SYNPR: variants seen among roughly 807,000 people sequenced by gnomAD.
SYNPR encodes the protein synaptoporin.
In SYNPR, 23 loss-of-function variants were observed where a neutral mutation model predicts 32.9. That is an observed-to-expected ratio of 0.70 (90% CI 0.50 to 0.99). The LOEUF is 0.99. Ranked by LOEUF, SYNPR falls within the 50% of genes least tolerant of loss-of-function variation. The probability of loss-of-function intolerance (pLI) is 0.00; values close to 1 mark genes in which losing one functional copy is unlikely to be tolerated. For missense variants in SYNPR, 318 were observed against 349.3 expected, an observed-to-expected ratio of 0.91 and a Z score of 0.71; for synonymous variants, 146 against 135.9, an observed-to-expected ratio of 1.07 and a Z score of -0.52.
intron 1 of SYNPR, among the ~76,000 whole-genome samples, chr3:63,247,944 G>A (rs972057441): frequency 6.6e-6 from 1 of 152,098 alleles, no homozygotes; most frequent in African/African-American, 2.4e-5. Flanking sequence ...GCCTCATATG[G>A]TGTCTTCCTT....
intron 4 of SYNPR, among the ~76,000 whole-genome samples, chr3:63,595,948 G>GTTATATATATATAATT (rs1559546741): frequency 9.6e-6 from 1 of 104,442 alleles, no homozygotes; most frequent in Non-Finnish European, 1.9e-5. Context: ...TATATATATA[G>GTTATATATATATAATT]TTTTATATAT....
At chr3:63,230,228 AC>A (rs1334872951) in intron 1 of SYNPR, among the ~76,000 whole-genome samples, 2 of 152,104 alleles carry the variant, frequency 1.3e-5, no homozygotes, top group African/African-American at 4.8e-5. Flanking sequence ...CTGAAATAAC[AC>A]TTTTGTCTCT....
intron 2 of SYNPR, among the ~76,000 whole-genome samples, chr3:63,432,880 C>A (rs1700018867): frequency 6.6e-6 from 1 of 152,180 alleles, no homozygotes; most frequent in African/African-American, 2.4e-5. Context: ...ACAAAGATTC[C>A]CTGTCAAGTT....
In SYNPR at chr3:63,350,288, A is replaced by G. The variant is rs1471325474; in HGVS notation, c.84+71546A>G. Among the ~76,000 whole-genome samples, 3 of 152,170 alleles carry G rather than the reference A, an allele frequency of 2.0e-5. No homozygotes were observed. In the East Asian group the frequency reaches 5.8e-4, roughly 29 times the overall value. Reference sequence around the variant, plus strand: ...CTATAGGGGAGACTATTCCCTATATATACAGCCTTTATAGAAAAGATGACT... The same window carrying G: ...CTATAGGGGAGACTATTCCCTATATGTACAGCCTTTATAGAAAAGATGACT... On this transcript the variant is annotated intron_variant, in intron 2 of 5. Transcript: ENST00000478300.
At chr3:63,450,952 TC>T (rs1700369868) in intron 2 of SYNPR, among the ~76,000 whole-genome samples, 2 of 152,180 alleles carry the variant, frequency 1.3e-5, no homozygotes, top group African/African-American at 4.8e-5. Flanking sequence ...AAGAAAACTA[TC>T]TTCTACCTGC....
At chr3:63,440,038 CAAAT>C (rs1700140814) in intron 2 of SYNPR, among the ~76,000 whole-genome samples, 7 of 152,082 alleles carry the variant, frequency 4.6e-5, no homozygotes, top group Admixed American at 3.3e-4. Context: ...AATAAATGAA[CAAAT>C]AAATAAGCAA....
intron 4 of SYNPR, among the ~76,000 whole-genome samples, chr3:63,584,422 G>A (rs1335364064): frequency 6.6e-6 from 1 of 152,054 alleles, no homozygotes; most frequent in Non-Finnish European, 1.5e-5. Flanking sequence ...AATAATAGAG[G>A]TATGGGACAC....
chr3:63,382,227 C>A (rs1242441950), intron 2 of SYNPR, among the ~76,000 whole-genome samples: 1 of 152,214 alleles, frequency 6.6e-6, no homozygotes, highest in Non-Finnish European at 1.5e-5. Context: ...GAAATCCAGG[C>A]TCCCAAGGTG....
intron 2 of SYNPR, among the ~76,000 whole-genome samples, chr3:63,362,525 C>T (rs2087675206): frequency 6.6e-6 from 1 of 152,012 alleles, no homozygotes; most frequent in Admixed American, 6.6e-5. Context: ...GTTGCCAAGC[C>T]CAACACTAAG....
At chr3:63,362,047 A>G (rs2087668927) in intron 2 of SYNPR, among the ~76,000 whole-genome samples, 1 of 152,190 alleles carries the variant, frequency 6.6e-6, no homozygotes, top group African/African-American at 2.4e-5. Flanking sequence ...GTTATGGCCA[A>G]TAAAATGTGA....
At chr3:63,273,818 G>GT (rs1164693682), upstream of SYNPR, among the ~76,000 whole-genome samples, 2 of 152,082 alleles carry the variant, frequency 1.3e-5, no homozygotes, top group African/African-American at 4.8e-5. Context: ...ATTCTTGCAT[G>GT]TTTTTTTGCA....
intron 2 of SYNPR, among the ~76,000 whole-genome samples, chr3:63,281,635 A>G (rs1444764115): frequency 1.2e-4 from 19 of 152,126 alleles, no homozygotes; most frequent in Admixed American, 1.2e-3. Context: ...CACTAATCCC[A>G]TTCACAAGGG....
intron 2 of SYNPR, among the ~76,000 whole-genome samples, chr3:63,288,528 C>T (rs994893444): frequency 6.6e-6 from 1 of 152,188 alleles, no homozygotes; most frequent in Non-Finnish European, 1.5e-5. Context: ...ACACCTTTGG[C>T]TCTTCAGCAC....
chr3:63,321,825 G>T (rs2087113860), intron 2 of SYNPR, among the ~76,000 whole-genome samples: 1 of 152,016 alleles, frequency 6.6e-6, no homozygotes, highest in African/African-American at 2.4e-5. Flanking sequence ...AACAAAATCA[G>T]TTCAGGGCCT....
At chr3:63,538,497 G>T (rs62250766) in intron 3 of SYNPR, among the ~76,000 whole-genome samples, 8 of 151,942 alleles carry the variant, frequency 5.3e-5, no homozygotes, top group African/African-American at 1.9e-4. Context: ...CACCTTTGCC[G>T]TGATCTCATA....
intron 2 of SYNPR, among the ~76,000 whole-genome samples, chr3:63,412,171 A>C (rs2088475261): frequency 6.6e-6 from 1 of 152,110 alleles, no homozygotes; most frequent in Admixed American, 6.6e-5. Context: ...GGACCACTGG[A>C]AGAGTATCAG....
rs920976533 is a variant in SYNPR at position 63,407,726 on chromosome 3, T to G, written c.85-73106T>G. 3.3e-5 allele frequency among the ~76,000 whole-genome samples: 5 copies of G among 152,168 alleles called. No homozygotes were observed. The East Asian group carries it at 7.7e-4, about 23-fold the overall frequency. The stretch of plus-strand genomic sequence containing the variant: ...GTGGATCCAGGAGTACAATTTTATC[T>G]TGTTGGAGAGCAAGACAAATGGTGG... On this transcript the variant is annotated intron_variant, in intron 2 of 5. Transcript: ENST00000478300.
At chr3:63,365,025 A>C (rs1399876851) in intron 2 of SYNPR, among the ~76,000 whole-genome samples, 1 of 152,196 alleles carries the variant, frequency 6.6e-6, no homozygotes, top group East Asian at 1.9e-4. Flanking sequence ...GAGTCTAAAA[A>C]CAACCTGCAC....
intron 2 of SYNPR, among the ~76,000 whole-genome samples, chr3:63,281,478 T>C (rs1487933933): frequency 1.3e-5 from 2 of 152,224 alleles, no homozygotes; most frequent in South Asian, 2.1e-4. Context: ...TTCTCATAGT[T>C]CTGAATACTG....
Sources: gnomAD v4.1 joint callset for allele counts (sites outside exome capture counted in the v4.1 genomes callset) on GRCh38, gnomAD v4.1.1 for gene constraint, MANE v1.5 for transcripts, NCBI Gene and HGNC (gene_info 2026-07-23, HGNC 2026-07-21) for gene names.